YAF2: variants seen among roughly 807,000 people sequenced by gnomAD.
YAF2 encodes YY1-associated factor 2.
A neutral mutation model predicts 20.1 loss-of-function variants in YAF2; 7 were observed. That is an observed-to-expected ratio of 0.35 (90% CI 0.20 to 0.65). YAF2 has a LOEUF of 0.65. YAF2 is among the 30% of genes least tolerant of loss of function. YAF2 has a pLI of 0.69. For synonymous variants in YAF2, 74 were observed against 76.0 expected, an observed-to-expected ratio of 0.97 and a Z score of 0.14; for missense variants, 151 against 219.2, an observed-to-expected ratio of 0.69 and a Z score of 1.96.
intron 2 of YAF2, chr12:42,233,513 C>T: frequency 1.0e-6 from 1 of 981,400 alleles, no homozygotes; most frequent in Non-Finnish European, 1.2e-6. Context: ...TCTGATGACT[C>T]AGAATTTTGT....
chr12:42,217,923 A>T (rs577323950), intron 2 of YAF2, among the ~76,000 whole-genome samples: 23 of 152,290 alleles, frequency 1.5e-4, no homozygotes, highest in African/African-American at 5.5e-4. Context: ...ATGGGGAAGT[A>T]GAGGGCAGAA....
chr12:42,234,257 C>T (rs900658639), intron 2 of YAF2: 1 of 985,328 alleles, frequency 1.0e-6, no homozygotes. Context: ...GATATAAAGA[C>T]TGTGCAGCAT....
intron 2 of YAF2, chr12:42,199,404 T>C: frequency 3.8e-6 from 1 of 265,444 alleles, no homozygotes; most frequent in Non-Finnish European, 7.3e-6. Flanking sequence ...CTATGATTTA[T>C]TCAACTTTAT....
At chr12:42,205,378 CTTT>C (rs572839071) in intron 2 of YAF2, among the ~76,000 whole-genome samples, 5 of 140,654 alleles carry the variant, frequency 3.6e-5, no homozygotes, top group African/African-American at 5.3e-5. Flanking sequence ...TGCTTCTTCT[CTTT>C]TTTTTTTTTT....
intron 2 of YAF2, among the ~76,000 whole-genome samples, chr12:42,224,860 A>G (rs1415277529): frequency 6.6e-6 from 1 of 152,222 alleles, no homozygotes; most frequent in African/African-American, 2.4e-5. Flanking sequence ...TCTTTACAGT[A>G]GAATGATTTA....
At chr12:42,187,715 T>C (rs552531971) in intron 2 of YAF2, among the ~76,000 whole-genome samples, 1 of 152,302 alleles carries the variant, frequency 6.6e-6, no homozygotes, top group African/African-American at 2.4e-5. Flanking sequence ...TACAAATAAG[T>C]ATTAATAAAT....
chr12:42,191,100 ATTTC>A (rs1297083209), intron 2 of YAF2, among the ~76,000 whole-genome samples: 1 of 152,132 alleles, frequency 6.6e-6, no homozygotes, highest in Non-Finnish European at 1.5e-5. Context: ...TTTATATCAT[ATTTC>A]TTTATCACTT....
intron 2 of YAF2, among the ~76,000 whole-genome samples, chr12:42,171,815 T>C (rs1009296545): frequency 1.2e-4 from 17 of 146,506 alleles, no homozygotes; most frequent in African/African-American, 1.0e-4. Flanking sequence ...AAAAAAAAAA[T>C]TGGCCAGGTG....
At chr12:42,232,554 A>G in intron 2 of YAF2, 1 of 985,430 alleles carries the variant, frequency 1.0e-6, no homozygotes, top group Non-Finnish European at 1.2e-6. Context: ...GAACAACTAA[A>G]TGGTTGCTAG....
At chr12:42,213,200 A>G (rs1565640677) in intron 2 of YAF2, among the ~76,000 whole-genome samples, 1 of 152,252 alleles carries the variant, frequency 6.6e-6, no homozygotes, top group Non-Finnish European at 1.5e-5. Flanking sequence ...AAGCCCACAT[A>G]GCAATAAACT....
intron 2 of YAF2, among the ~76,000 whole-genome samples, chr12:42,187,023 T>A (rs2066492549): frequency 6.6e-6 from 1 of 152,174 alleles, no homozygotes; most frequent in Admixed American, 6.5e-5. Flanking sequence ...TATATATAGT[T>A]CAAGCTCATG....
At chr12:42,235,841 T>C in intron 2 of YAF2, 3 of 1,536,058 alleles carry the variant, frequency 2.0e-6, no homozygotes, top group Non-Finnish European at 1.7e-6. Context: ...CTGGGCCAAC[T>C]CCCCTGTGTA....
Position 42,199,563 on chromosome 12 carries a change from C to A in YAF2, c.153-37798G>T, listed in dbSNP as rs901546142. The A allele has an allele frequency of 2.4e-5, 4 of 163,974 alleles. No individual in the cohort carries two copies. The East Asian group carries it at 7.1e-4, about 29-fold the overall frequency. 10.2% of individuals were successfully genotyped at this position (163,974 alleles called of 1,614,324 possible). On this transcript the variant is annotated intron_variant, in intron 2 of 3. Coordinates refer to ENST00000534854, the MANE Select transcript of YAF2 (RefSeq NM_005748.6). Reference sequence around the variant, plus strand: ...CATTACTTTTTATGCAGTACCATAACAGATTTCAAAAGGCACTGGAATTCT... The same window carrying A: ...CATTACTTTTTATGCAGTACCATAAAAGATTTCAAAAGGCACTGGAATTCT...
At chr12:42,229,536 C>T (rs974231809) in intron 2 of YAF2, among the ~76,000 whole-genome samples, 9 of 151,846 alleles carry the variant, frequency 5.9e-5, no homozygotes, top group Non-Finnish European at 1.0e-4. Flanking sequence ...AGTGTCTAGA[C>T]AATTATACTA....
intron 2 of YAF2, among the ~76,000 whole-genome samples, chr12:42,213,485 T>C (rs921403124): frequency 6.6e-6 from 1 of 152,212 alleles, no homozygotes; most frequent in Non-Finnish European, 1.5e-5. Flanking sequence ...AAGTAAATAA[T>C]TTCTGTGTAA....
chr12:42,218,327 G>A (rs569314886), intron 2 of YAF2, among the ~76,000 whole-genome samples: 1 of 151,952 alleles, frequency 6.6e-6, no homozygotes, highest in African/African-American at 2.4e-5. Flanking sequence ...ACAATGATAT[G>A]CAAGTATACA....
chr12:42,166,331 C>T (rs567551456), intron 2 of YAF2, among the ~76,000 whole-genome samples: 7 of 152,322 alleles, frequency 4.6e-5, no homozygotes, highest in East Asian at 3.9e-4. Flanking sequence ...AAGAGACAGA[C>T]ATTCTCTCTG....
At chr12:42,183,240 A>G (rs1030620093) in intron 2 of YAF2, among the ~76,000 whole-genome samples, 1 of 152,124 alleles carries the variant, frequency 6.6e-6, no homozygotes, top group Non-Finnish European at 1.5e-5. Context: ...AGACACAATA[A>G]TATTAAAATT....
chr12:42,183,112 A>G (rs544738549), intron 2 of YAF2, among the ~76,000 whole-genome samples: 1 of 152,122 alleles, frequency 6.6e-6, no homozygotes, highest in African/African-American at 2.4e-5. Flanking sequence ...TGTTTTGAGG[A>G]GCCAAGGCCC....
Sources: allele counts gnomAD v4.1 joint callset (sites outside exome capture counted in the v4.1 genomes callset), GRCh38; gene constraint gnomAD v4.1.1; transcripts MANE v1.5; gene names NCBI Gene and HGNC (gene_info 2026-07-23, HGNC 2026-07-21).